The following C8orf34 variants were observed in gnomAD, a reference collection of about 807,000 sequenced individuals.
C8orf34 encodes the protein chromosome 8 open reading frame 34.
A neutral mutation model predicts 68.3 loss-of-function variants in C8orf34; 65 were observed. That is an observed-to-expected ratio of 0.95 (90% CI 0.78 to 1.17). The LOEUF is 1.17. Ranked by LOEUF, C8orf34 falls within the 50% of genes most tolerant of loss-of-function variation. The pLI, the probability that C8orf34 is intolerant of heterozygous loss-of-function variation, is 0.00. For synonymous variants in C8orf34, 244 were observed against 241.2 expected, an observed-to-expected ratio of 1.01 and a Z score of -0.11; for missense variants, 664 against 655.4, an observed-to-expected ratio of 1.01 and a Z score of -0.14.
At chr8:68,502,375 A>G (rs1813816681) in intron 5 of C8orf34, among the ~76,000 whole-genome samples, 1 of 152,252 alleles carries the variant, frequency 6.6e-6, no homozygotes, top group East Asian at 1.9e-4. Flanking sequence ...ACCAGAAGGC[A>G]AAAACACTAC....
upstream of C8orf34, chr8:68,330,836 G>T: frequency 1.9e-6 from 1 of 533,562 alleles, no homozygotes; most frequent in Non-Finnish European, 3.2e-6. Context: ...CCGGTGGCGA[G>T]TTCGAGCCCC....
At chr8:68,529,961 A>C (rs1269391741) in intron 6 of C8orf34, among the ~76,000 whole-genome samples, 2 of 152,086 alleles carry the variant, frequency 1.3e-5, no homozygotes, top group Non-Finnish European at 2.9e-5. Context: ...TCAAACAGTT[A>C]TACTTTGTGA....
intron 7 of C8orf34, among the ~76,000 whole-genome samples, chr8:68,601,353 C>T (rs752053982): frequency 5.3e-5 from 8 of 152,062 alleles, no homozygotes; most frequent in East Asian, 1.9e-4. Flanking sequence ...GAGACTCCAA[C>T]GGTACACATG....
intron 7 of C8orf34, chr8:68,625,631 G>A (rs1346652819): frequency 5.7e-6 from 4 of 701,856 alleles, no homozygotes; most frequent in Non-Finnish European, 1.0e-5. Flanking sequence ...TGTGGCATGT[G>A]GCTTGCATCT....
At position 68,331,225 on chromosome 8, in the gene C8orf34, G is replaced by A; in HGVS notation, c.213G>A (p.Gln71=). 4 of 1,536,114 alleles carry A rather than the reference G, an allele frequency of 2.6e-6. No homozygotes were observed. Among genetic ancestry groups the A allele is most frequent in the Non-Finnish European group, 3.5e-6 (4 of 1,146,880 alleles). The change falls in exon 1 of 14, where the codon CAG becomes CAA. Residue 71 remains glutamine (Q), a synonymous_variant. Coordinates refer to ENST00000518698, the MANE Select transcript of C8orf34 (RefSeq NM_052958.4). ...KRRVVPSGGA[Q]PRVLPALSSR... is the part of the protein sequence containing the mutation. ...GGGTTGTCCCCAGCGGAGGCGCACA[G>A]CCGCGCGTTCTCCCTGCACTCTCTT...
intron 3 of C8orf34, among the ~76,000 whole-genome samples, chr8:68,452,302 A>C (rs944804088): frequency 6.6e-6 from 1 of 151,368 alleles, no homozygotes; most frequent in Non-Finnish European, 1.5e-5. Flanking sequence ...TGATAATTCT[A>C]TGTGTAACTT....
intron 1 of C8orf34, among the ~76,000 whole-genome samples, chr8:68,404,993 C>A (rs530868121): frequency 3.2e-4 from 49 of 152,160 alleles, no homozygotes; most frequent in African/African-American, 1.1e-3. Flanking sequence ...TTCTTCCTAT[C>A]CATGAGCGTG....
chr8:68,803,751 A>G (rs186706595), intron 12 of C8orf34, among the ~76,000 whole-genome samples: 1 of 152,310 alleles, frequency 6.6e-6, no homozygotes, highest in East Asian at 1.9e-4. Flanking sequence ...TGTGCAGGTA[A>G]TAATGATTGA....
At chr8:68,492,163 T>C (rs113643111) in intron 5 of C8orf34, among the ~76,000 whole-genome samples, 72 of 152,310 alleles carry the variant, frequency 4.7e-4, no homozygotes, top group African/African-American at 1.4e-3. Context: ...TTATTGAAAT[T>C]TTTTTCTTGA....
At chr8:68,672,601 T>C (rs563686588) in intron 8 of C8orf34, among the ~76,000 whole-genome samples, 3 of 152,232 alleles carry the variant, frequency 2.0e-5, no homozygotes, top group Non-Finnish European at 4.4e-5. Flanking sequence ...AAATCACTCA[T>C]ACCAGCTATC....
intron 1 of C8orf34, among the ~76,000 whole-genome samples, chr8:68,404,696 A>G (rs569975144): frequency 1.3e-5 from 2 of 152,164 alleles, no homozygotes; most frequent in African/African-American, 2.4e-5. Context: ...GATGTGTGGC[A>G]TTATTTCTAA....
At chr8:68,462,053 G>C (rs1421164034) in intron 3 of C8orf34, among the ~76,000 whole-genome samples, 2 of 152,020 alleles carry the variant, frequency 1.3e-5, no homozygotes, top group East Asian at 3.9e-4. Flanking sequence ...CCCATCTCAC[G>C]TGCAGAGACA....
At chr8:68,675,494 A>C (rs1195300702) in intron 8 of C8orf34, among the ~76,000 whole-genome samples, 4 of 152,104 alleles carry the variant, frequency 2.6e-5, no homozygotes. Context: ...TTTCTTCTGC[A>C]ATCAGTGTCA....
At chr8:68,577,971 T>G (rs1048165612) in intron 7 of C8orf34, among the ~76,000 whole-genome samples, 48 of 151,930 alleles carry the variant, frequency 3.2e-4, no homozygotes, top group Non-Finnish European at 2.2e-4. Flanking sequence ...TCCTCTTCTG[T>G]GTACTTATGT....
At chr8:68,581,845 G>A (rs1009204600) in intron 7 of C8orf34, among the ~76,000 whole-genome samples, 7 of 152,066 alleles carry the variant, frequency 4.6e-5, no homozygotes, top group African/African-American at 1.4e-4. Context: ...AGTACATCTC[G>A]TTGGCAGAAC....
At chr8:68,673,808 G>C (rs1563600747) in intron 8 of C8orf34, among the ~76,000 whole-genome samples, 1 of 152,128 alleles carries the variant, frequency 6.6e-6, no homozygotes, top group Non-Finnish European at 1.5e-5. Flanking sequence ...CAAGACAGTG[G>C]TAACCCTGGG....
At chr8:68,547,670 A>C (rs1427229539) in intron 7 of C8orf34, among the ~76,000 whole-genome samples, 2 of 151,934 alleles carry the variant, frequency 1.3e-5, no homozygotes, top group East Asian at 3.9e-4. Context: ...GTCTCAAATG[A>C]ATTTCTAATA....
intron 3 of C8orf34, among the ~76,000 whole-genome samples, chr8:68,455,058 AT>A (rs1285312900): frequency 6.6e-6 from 1 of 151,702 alleles, no homozygotes; most frequent in Non-Finnish European, 1.5e-5. Flanking sequence ...TGAATTTCCC[AT>A]TTTTCTTTTT....
At chr8:68,398,638 G>A (rs1259302544) in intron 1 of C8orf34, among the ~76,000 whole-genome samples, 1 of 152,040 alleles carries the variant, frequency 6.6e-6, no homozygotes, top group African/African-American at 2.4e-5. Context: ...TACATATTAT[G>A]TTGTACACTT....
Sources: gnomAD v4.1 joint callset for allele counts (sites outside exome capture counted in the v4.1 genomes callset) on GRCh38, gnomAD v4.1.1 for gene constraint, MANE v1.5 for transcripts, NCBI Gene and HGNC (gene_info 2026-07-23, HGNC 2026-07-21) for gene names.